DOCK7: variants seen among roughly 807,000 people sequenced by gnomAD.
DOCK7 encodes the protein dedicator of cytokinesis protein 7.
In DOCK7, 138 loss-of-function variants were observed where a neutral mutation model predicts 271.0. The observed-to-expected ratio is 0.51, with a 90% CI of 0.44 to 0.59. DOCK7 has a LOEUF of 0.59. Among genes scored for constraint, DOCK7 ranks in the 20% least tolerant of loss-of-function variants. The pLI, the probability that DOCK7 is intolerant of heterozygous loss-of-function variation, is 0.00. For missense variants in DOCK7, 2,066 were observed against 2,592.4 expected (o/e 0.80, Z 4.41); for synonymous variants, 823 against 876.1 (o/e 0.94, Z 1.07).
At chr1:62,685,585 T>C (rs1185302114) in intron 1 of DOCK7, among the ~76,000 whole-genome samples, 1 of 151,648 alleles carries the variant, frequency 6.6e-6, no homozygotes, top group Non-Finnish European at 1.5e-5. Flanking sequence ...CTCTCAAATC[T>C]AGATCTCCAG....
intron 14 of DOCK7, among the ~76,000 whole-genome samples, chr1:62,614,369 T>C (rs934084357): frequency 6.6e-6 from 1 of 152,138 alleles, no homozygotes; most frequent in South Asian, 2.1e-4. Flanking sequence ...CCTAAACATA[T>C]AAGCTGTCCA....
At chr1:62,667,825 C>G (rs762921735) in intron 1 of DOCK7, among the ~76,000 whole-genome samples, 2 of 152,116 alleles carry the variant, frequency 1.3e-5, no homozygotes, top group Non-Finnish European at 2.9e-5. Context: ...CGCGACCAGT[C>G]TGGCCAACAT....
chr1:62,540,695 T>C (rs1390257164), intron 25 of DOCK7, among the ~76,000 whole-genome samples: 1 of 152,172 alleles, frequency 6.6e-6, no homozygotes, highest in East Asian at 1.9e-4. Context: ...AACACTGTGG[T>C]AATGGTAACA....
At chr1:62,464,511 G>A (rs1034586765) in intron 48 of DOCK7, among the ~76,000 whole-genome samples, 8 of 151,532 alleles carry the variant, frequency 5.3e-5, no homozygotes, top group Admixed American at 3.3e-4. Context: ...GCGAAACCCC[G>A]TCCCTACTAA....
chr1:62,483,086 T>G (rs1447829563), intron 43 of DOCK7: 1 of 151,236 alleles, frequency 6.6e-6, no homozygotes, highest in Non-Finnish European at 1.5e-5. Flanking sequence ...TAGTTCACTG[T>G]AACCTCAAAC....
chr1:62,572,903 CG>C (rs1302427721), intron 18 of DOCK7, among the ~76,000 whole-genome samples: 2 of 152,040 alleles, frequency 1.3e-5, no homozygotes, highest in Non-Finnish European at 2.9e-5. Context: ...GCTCTATTGC[CG>C]TTCAAAAGCA....
chr1:62,488,660 AT>A (rs1646366342), intron 42 of DOCK7: 2 of 391,370 alleles, frequency 5.1e-6, no homozygotes, highest in Admixed American at 8.1e-5. Context: ...GAAACAGAAA[AT>A]CACAATTTTT....
intron 14 of DOCK7, chr1:62,600,951 A>G: frequency 1.5e-6 from 1 of 654,198 alleles, no homozygotes; most frequent in Non-Finnish European, 2.8e-6. Flanking sequence ...AACACTGTTT[A>G]TCTAAATATC....
chr1:62,492,951 TA>T, intron 40 of DOCK7, 104 bp from the exon 41 acceptor site: 5 of 928,364 alleles, frequency 5.4e-6, no homozygotes, highest in Admixed American at 3.0e-5. Flanking sequence ...CAGGTTAGGT[TA>T]AAAAAAGGAG....
In DOCK7 at chr1:62,654,280, T is replaced by G. The variant is rs1321060027; in HGVS notation, c.145-121A>C. 13 of 977,018 alleles carry G rather than the reference T, an allele frequency of 1.3e-5. No homozygotes were observed. The Admixed American group carries it at 2.3e-4, about 18-fold the overall frequency. 60.5% of individuals were successfully genotyped at this position (977,018 alleles called of 1,614,324 possible). A position where few individuals can be genotyped will look rare whatever the true frequency, so the allele number is the denominator to read the frequency against. On this transcript the variant is annotated intron_variant, in intron 2 of 49. Coordinates refer to ENST00000635253, the MANE Select transcript of DOCK7 (RefSeq NM_001367561.1). ...CTTTTAATCTAGTTCTTTCTAAAAT[T>G]TTCACAGATATTCAACCAGATGCAC... is the stretch of plus-strand genomic sequence containing the variant.
At chr1:62,637,635 G>T (rs977711857) in intron 7 of DOCK7, among the ~76,000 whole-genome samples, 1 of 152,116 alleles carries the variant, frequency 6.6e-6, no homozygotes, top group Non-Finnish European at 1.5e-5. Context: ...AGAGAATCGA[G>T]GACCTTGTAG....
intron 17 of DOCK7, among the ~76,000 whole-genome samples, chr1:62,578,528 T>C (rs1647007084): frequency 1.3e-5 from 2 of 152,026 alleles, no homozygotes; most frequent in South Asian, 4.2e-4. Context: ...GAGACCAACT[T>C]GGCAAACATG....
At chr1:62,519,194 A>C (rs768679374) in intron 31 of DOCK7, among the ~76,000 whole-genome samples, 2 of 152,202 alleles carry the variant, frequency 1.3e-5, no homozygotes, top group African/African-American at 2.4e-5. Context: ...AGAAATTACA[A>C]AACCACAATT....
In DOCK7 at chr1:62,503,822, C is replaced by T. The variant is rs936809880; in HGVS notation, c.4764+808G>A. Reference sequence around the variant, plus strand: ...CAGCACTTTGGGAGGCCGAGGCAGGCGGATCACGAGGTCAGGAGATCGAGA... The same window carrying T: ...CAGCACTTTGGGAGGCCGAGGCAGGTGGATCACGAGGTCAGGAGATCGAGA... On this transcript the variant is annotated intron_variant, in intron 37 of 49. Transcript: ENST00000635253. Among the ~76,000 whole-genome samples, 8 of 151,932 alleles carry T rather than the reference C, an allele frequency of 5.3e-5. No individual in the cohort carries two copies. The South Asian group carries it at 6.2e-4, about 12-fold the overall frequency.
Position 62,618,764 on chromosome 1 carries a change from T to C in DOCK7, c.1624A>G (p.Thr542Ala). Residue 542 changes from threonine to alanine, a missense_variant, in exon 14 of 50, where the codon ACC becomes GCC. Physicochemically the swap from Thr to Ala is moderately conservative, Grantham distance 58. Around this residue, in one of 2 missense-constraint regions of DOCK7, gnomAD observed 1,414 missense variants for 1,670.4 expected, o/e 0.85. Coordinates refer to ENST00000635253, the MANE Select transcript of DOCK7 (RefSeq NM_001367561.1). Reference sequence around the variant, plus strand: ...GCGGGAAACTCTAAGATTTCTCTGGTAGGTCTAACTCTACTGTCAGGGTAA... The same window carrying C: ...GCGGGAAACTCTAAGATTTCTCTGGCAGGTCTAACTCTACTGTCAGGGTAA... ...KLYPDSRVRP[T>A]REILEFPARD... is the part of the protein sequence containing the mutation. 1 of 1,613,786 alleles carries C rather than the reference T, an allele frequency of 6.2e-7. No individual in the cohort carries two copies.
Position 62,496,476 on chromosome 1 carries a change from G to A in DOCK7, c.4786C>T (p.Gln1596Ter). 1 of 1,612,616 alleles carries A rather than the reference G, an allele frequency of 6.2e-7. No homozygotes were observed. Among genetic ancestry groups the A allele is most frequent in the Non-Finnish European group, 8.5e-7 (1 of 1,179,432 alleles). ...IGNNFARVKM[Q>*]VTMSLSSLVG... ...AAGGAGGATAGTGACATTGTTACCT[G>A]CATTTTAACCCTGGCAAAGTTCTGT... is the stretch of plus-strand genomic sequence containing the variant. The change falls in exon 38 of 50, where the codon CAG becomes TAG. Residue 1596 changes from glutamine to a stop codon, truncating the protein, a stop_gained. Coordinates refer to ENST00000635253, the MANE Select transcript of DOCK7 (RefSeq NM_001367561.1). LOFTEE classifies it high-confidence loss of function.
At chr1:62,623,208 CTTAA>C (rs1280945660) in intron 12 of DOCK7, among the ~76,000 whole-genome samples, 2 of 152,196 alleles carry the variant, frequency 1.3e-5, no homozygotes, top group African/African-American at 4.8e-5. Context: ...TTGAATTCTA[CTTAA>C]TTAAAATGGT....
chr1:62,528,309 A>C lies in DOCK7; in HGVS notation c.3782-4T>G. ...CTTCCTCGTTGATTGTGAGTTTCTA[A>C]AGAAAAATAATCCAAAAAAATAAAT... On this transcript the variant is annotated splice_polypyrimidine_tract_variant and splice_region_variant and intron_variant, in intron 30 of 49. Coordinates refer to ENST00000635253, the MANE Select transcript of DOCK7 (RefSeq NM_001367561.1). 6.2e-7 allele frequency: 1 copy of C among 1,606,252 alleles called. No individual in the cohort carries two copies. Among genetic ancestry groups the C allele is most frequent in the Non-Finnish European group, 8.5e-7 (1 of 1,176,230 alleles).
intron 14 of DOCK7, chr1:62,602,321 G>A (rs1339796478): frequency 6.2e-7 from 1 of 1,610,722 alleles, no homozygotes. Flanking sequence ...CGAATAGATG[G>A]ATCACAAAAC....
Sources: gnomAD v4.1 joint callset for allele counts (sites outside exome capture counted in the v4.1 genomes callset) on GRCh38, gnomAD v4.1.1 for gene constraint, gnomAD v4.1.1 regional missense constraint, MANE v1.5 for transcripts, NCBI Gene and HGNC (gene_info 2026-07-23, HGNC 2026-07-21) for gene names.